The following ENPEP variants were observed in gnomAD, a reference collection of about 807,000 sequenced individuals.
The protein encoded by ENPEP is glutamyl aminopeptidase.
ENPEP carries 103 observed loss-of-function variants against 114.5 expected under a neutral mutation model. The ratio of observed to expected loss-of-function variants is 0.90; its 90% CI spans 0.77 to 1.06. ENPEP has a LOEUF of 1.06. Ranked by LOEUF, ENPEP falls within the 50% of genes least tolerant of loss-of-function variation. ENPEP has a pLI of 0.00. For synonymous variants in ENPEP, 420 were observed against 422.0 expected (o/e 1.00, Z 0.06); for missense variants, 1,196 against 1,161.3 (o/e 1.03, Z -0.43).
At chr4:110,540,689 C>T (rs1321892137) in intron 11 of ENPEP, among the ~76,000 whole-genome samples, 1 of 152,108 alleles carries the variant, frequency 6.6e-6, no homozygotes, top group Non-Finnish European at 1.5e-5. Flanking sequence ...TAAAATATGG[C>T]AGTATTTAGA....
At chr4:110,511,945 G>T (rs1725592834) in intron 6 of ENPEP, among the ~76,000 whole-genome samples, 1 of 151,954 alleles carries the variant, frequency 6.6e-6, no homozygotes, top group Non-Finnish European at 1.5e-5. Flanking sequence ...TATATTTTTA[G>T]TAGAGATGGG....
intron 3 of ENPEP, among the ~76,000 whole-genome samples, chr4:110,491,519 TAG>T (rs1232333130): frequency 2.0e-5 from 3 of 151,968 alleles, no homozygotes; most frequent in Admixed American, 6.6e-5. Context: ...AGATATAGAC[TAG>T]AGAGAGAGGA....
At chr4:110,482,735 G>C (rs1335222463) in intron 1 of ENPEP, among the ~76,000 whole-genome samples, 2 of 152,196 alleles carry the variant, frequency 1.3e-5, no homozygotes, top group Non-Finnish European at 2.9e-5. Flanking sequence ...TAGGTTGGGC[G>C]AGGTGGCTCA....
At chr4:110,552,178 A>T (rs1484369146) in intron 17 of ENPEP, among the ~76,000 whole-genome samples, 2 of 152,152 alleles carry the variant, frequency 1.3e-5, no homozygotes, top group African/African-American at 2.4e-5. Flanking sequence ...AAACTCAGTC[A>T]TATATTCACC....
At chr4:110,524,870 C>A (rs999911315) in intron 10 of ENPEP, among the ~76,000 whole-genome samples, 1 of 152,096 alleles carries the variant, frequency 6.6e-6, no homozygotes. Flanking sequence ...GTGATTTTCT[C>A]ACCTCAGCCT....
At chr4:110,555,013 A>G (rs1191022011) in intron 18 of ENPEP, among the ~76,000 whole-genome samples, 2 of 152,022 alleles carry the variant, frequency 1.3e-5, no homozygotes, top group East Asian at 3.8e-4. Flanking sequence ...AGTAGAAAAA[A>G]ATAGGTTTTG....
At chr4:110,499,850 A>C (rs1438666148) in intron 3 of ENPEP, among the ~76,000 whole-genome samples, 2 of 152,234 alleles carry the variant, frequency 1.3e-5, no homozygotes, top group Non-Finnish European at 2.9e-5. Context: ...TCAGTGATGC[A>C]AAATATTTTT....
rs1726395791 is a variant in ENPEP at position 110,531,265 on chromosome 4, T to C, written c.1795T>C (p.Ser599Pro). The C allele has an allele frequency of 1.4e-6, 2 of 1,441,692 alleles. No individual in the cohort carries two copies. The highest frequency in any genetic ancestry group is 1.9e-6 in the Non-Finnish European group (2 of 1,073,048). 89.3% of individuals were successfully genotyped at this position (1,441,692 alleles called of 1,614,324 possible). Residue 599 changes from serine (S) to proline (P), a missense_variant, in exon 11 of 20, where the codon TCA becomes CCA. Coordinates refer to ENST00000265162, the MANE Select transcript of ENPEP (RefSeq NM_001977.4). ...NITSSVLFNR[S>P]EKEGITLNSS... ...AACAAGCAGTGTGTTATTTAATAGG[T>C]CAGAAAAAGAAGGTAAATATTATTA...
At chr4:110,502,191 T>C (rs1043426895) in intron 3 of ENPEP, among the ~76,000 whole-genome samples, 4 of 152,176 alleles carry the variant, frequency 2.6e-5, no homozygotes, top group African/African-American at 9.7e-5. Flanking sequence ...TTACCTTAGT[T>C]GGATGCATAG....
At chr4:110,501,668 T>C (rs1423691990) in intron 3 of ENPEP, among the ~76,000 whole-genome samples, 1 of 152,236 alleles carries the variant, frequency 6.6e-6, no homozygotes, top group Non-Finnish European at 1.5e-5. Context: ...CCACATTTTA[T>C]TTATCCAGTC....
At chr4:110,552,663 A>G (rs1486096878) in intron 17 of ENPEP, among the ~76,000 whole-genome samples, 1 of 152,116 alleles carries the variant, frequency 6.6e-6, no homozygotes, top group Non-Finnish European at 1.5e-5. Flanking sequence ...TTTTGGAAAC[A>G]CTTTTTCAAT....
Position 110,476,757 on chromosome 4 carries a change from T to C in ENPEP, c.343T>C (p.Tyr115His). ...HVKPLLEEDT[Y>H]TGTVSISINL... ...GAAGCCCCTGTTGGAGGAGGACACC[T>C]ACACGGGCACCGTGAGCATCTCCAT... Residue 115 changes from tyrosine (Y) to histidine (H), a missense_variant, in exon 1 of 20, where the codon TAC becomes CAC. Physicochemically the swap from Tyr to His is moderately conservative, Grantham distance 83. Transcript: ENST00000265162. The C allele has an allele frequency of 1.9e-6, 3 of 1,614,168 alleles. No homozygotes were observed. The highest frequency in any genetic ancestry group is 2.5e-6 in the Non-Finnish European group (3 of 1,180,026).
At position 110,509,783 on chromosome 4, in the gene ENPEP, G is replaced by C; in HGVS notation, c.1170G>C (p.Val390=). 6.2e-7 allele frequency: 1 copy of C among 1,613,748 alleles called. No individual in the cohort carries two copies. Among genetic ancestry groups the C allele is most frequent in the Non-Finnish European group, 8.5e-7 (1 of 1,179,926 alleles). Reference sequence around the variant, plus strand: ...CAAACCAACAGAGGGTGGCCACTGTGGTTGCCCATGAACTTGTGCATCAGG... The same window carrying C: ...CAAACCAACAGAGGGTGGCCACTGTCGTTGCCCATGAACTTGTGCATCAGG... ...ASSNQQRVAT[V]VAHELVHQWF... The change falls in exon 5 of 20, where the codon GTG becomes GTC. Residue 390 remains valine, a synonymous_variant. Transcript: ENST00000265162.
intron 3 of ENPEP, among the ~76,000 whole-genome samples, chr4:110,495,446 C>T (rs1578394458): frequency 1.3e-5 from 2 of 152,088 alleles, no homozygotes; most frequent in Admixed American, 1.3e-4. Context: ...GGTGGCCGGG[C>T]GCGGTGGCTC....
In ENPEP at chr4:110,513,543, T is replaced by C. The variant is rs772133802; in HGVS notation, c.1437T>C (p.Tyr479=). The C allele has an allele frequency of 3.1e-6, 5 of 1,611,850 alleles. No homozygotes were observed. Among genetic ancestry groups the C allele is most frequent in the Admixed American group, 1.7e-5 (1 of 59,690 alleles). ...EITSVFDGIS[Y]SKGSSILRML... ...CATCTGTTTTTGATGGAATATCCTA[T>C]AGCAAGGTGGGAGAAATAGAACATT... Residue 479 remains tyrosine, a synonymous_variant, in exon 7 of 20, where the codon TAT becomes TAC. Coordinates refer to ENST00000265162, the MANE Select transcript of ENPEP (RefSeq NM_001977.4).
chr4:110,538,572 C>G (rs1726731513), intron 11 of ENPEP, among the ~76,000 whole-genome samples: 1 of 152,178 alleles, frequency 6.6e-6, no homozygotes, highest in Non-Finnish European at 1.5e-5. Context: ...AGATGTTTCT[C>G]TTTCTTATCA....
chr4:110,550,310 TCTC>T (rs1317840399), intron 17 of ENPEP, among the ~76,000 whole-genome samples: 1 of 152,064 alleles, frequency 6.6e-6, no homozygotes, highest in Non-Finnish European at 1.5e-5. Context: ...TGTCTCCAAT[TCTC>T]CTCATAATCC....
chr4:110,543,520 G>A (rs189780005), intron 13 of ENPEP, among the ~76,000 whole-genome samples: 4 of 152,170 alleles, frequency 2.6e-5, no homozygotes, highest in Admixed American at 2.6e-4. Flanking sequence ...GAGCTATGGT[G>A]CTTTAGAACT....
chr4:110,550,063 T>C (rs1727229836), intron 17 of ENPEP, among the ~76,000 whole-genome samples, 177 bp downstream of exon 17: 2 of 152,098 alleles, frequency 1.3e-5, no homozygotes, highest in Non-Finnish European at 2.9e-5. Context: ...TAAGGAAATG[T>C]AATCTCATAT....
Sources: gnomAD v4.1 joint callset for allele counts (sites outside exome capture counted in the v4.1 genomes callset) on GRCh38, gnomAD v4.1.1 for gene constraint, MANE v1.5 for transcripts, NCBI Gene and HGNC (gene_info 2026-07-23, HGNC 2026-07-21) for gene names.